The following RAB10 variants were observed in gnomAD, a reference collection of about 807,000 sequenced individuals.
RAB10 encodes RAB10, member RAS oncogene family, also known as ras-related protein Rab-10.
RAB10 carries 5 observed loss-of-function variants against 25.7 expected under a neutral mutation model. The ratio of observed to expected loss-of-function variants is 0.19; its 90% CI spans 0.10 to 0.41. The LOEUF (loss-of-function observed/expected upper bound fraction) is 0.41, where lower values mean the gene tolerates loss of function less well. Ranked by LOEUF, RAB10 falls within the 10% of genes least tolerant of loss-of-function variation. The pLI, the probability that RAB10 is intolerant of heterozygous loss-of-function variation, is 1.00. For synonymous variants in RAB10, 89 were observed against 86.4 expected (o/e 1.03, Z -0.16); for missense variants, 103 against 245.8 (o/e 0.42, Z 3.89).
chr2:26,111,296 A>G (rs776434170), intron 3 of RAB10, among the ~76,000 whole-genome samples: 6 of 152,176 alleles, frequency 3.9e-5, no homozygotes, highest in African/African-American at 7.2e-5. Flanking sequence ...TTATTTTTTA[A>G]TAATTATTTA....
chr2:26,125,783 A>G (rs1255416341), intron 3 of RAB10, among the ~76,000 whole-genome samples: 1 of 152,024 alleles, frequency 6.6e-6, no homozygotes, highest in Non-Finnish European at 1.5e-5. Context: ...TCCCTTTCAA[A>G]TACATGATTT....
chr2:26,035,698 G>A (rs1045576386), intron 1 of RAB10, among the ~76,000 whole-genome samples: 2 of 152,194 alleles, frequency 1.3e-5, no homozygotes, highest in Non-Finnish European at 2.9e-5. Context: ...ATGGCTCTCA[G>A]CATTGTGGCG....
At chr2:26,122,607 G>A (rs1197381357) in intron 3 of RAB10, among the ~76,000 whole-genome samples, 3 of 148,918 alleles carry the variant, frequency 2.0e-5, no homozygotes, top group Non-Finnish European at 3.0e-5. Flanking sequence ...CAGCCTGGGC[G>A]ACAGAGCGAC....
At chr2:26,034,832 A>T in intron 1 of RAB10, 97 bp downstream of exon 1, 1 of 1,502,514 alleles carries the variant, frequency 6.7e-7, no homozygotes, top group Non-Finnish European at 9.1e-7. Context: ...CCTTTGTTTC[A>T]GTGATTCCGA....
chr2:26,121,403 C>G (rs1461602517), intron 3 of RAB10, among the ~76,000 whole-genome samples: 4 of 152,148 alleles, frequency 2.6e-5, no homozygotes, highest in African/African-American at 9.7e-5. Flanking sequence ...AGGCTGGTCT[C>G]AAACTCCAGG....
At chr2:26,098,109 CTTTTTTTTTTTTT>C (rs57174956) in intron 1 of RAB10, among the ~76,000 whole-genome samples, 3 of 52,726 alleles carry the variant, frequency 5.7e-5, no homozygotes, top group South Asian at 8.4e-4. Flanking sequence ...TTCTTTCTTT[CTTTTTTTTTTTTT>C]TTTTTTTTTT....
intron 1 of RAB10, among the ~76,000 whole-genome samples, chr2:26,094,413 G>A (rs891462082): frequency 2.0e-5 from 3 of 151,020 alleles, no homozygotes; most frequent in East Asian, 3.9e-4. Flanking sequence ...CACCACACCC[G>A]GCTAATTTTT....
At chr2:26,132,510 C>T (rs952622779) in intron 5 of RAB10, among the ~76,000 whole-genome samples, 3 of 152,202 alleles carry the variant, frequency 2.0e-5, no homozygotes, top group African/African-American at 7.2e-5. Flanking sequence ...ACCTTGGCCT[C>T]CCAAAGTGCT....
intron 1 of RAB10, among the ~76,000 whole-genome samples, chr2:26,072,261 C>G (rs745792494): frequency 1.1e-4 from 17 of 152,006 alleles, no homozygotes; most frequent in Non-Finnish European, 2.2e-4. Flanking sequence ...ACTAAAAATA[C>G]AAAAATTAGC....
intron 1 of RAB10, among the ~76,000 whole-genome samples, chr2:26,081,847 C>A (rs1287165113): frequency 1.3e-5 from 2 of 152,106 alleles, no homozygotes; most frequent in African/African-American, 4.8e-5. Context: ...ATTTAGAATT[C>A]ATTCCTGACA....
chr2:26,082,893 A>G (rs1666898482), intron 1 of RAB10, among the ~76,000 whole-genome samples: 1 of 152,220 alleles, frequency 6.6e-6, no homozygotes, highest in Non-Finnish European at 1.5e-5. Context: ...AGAATAATAC[A>G]TCATGACTCA....
intron 1 of RAB10, among the ~76,000 whole-genome samples, chr2:26,085,868 G>A (rs1484460522): frequency 2.0e-5 from 3 of 151,558 alleles, no homozygotes; most frequent in South Asian, 2.1e-4. Flanking sequence ...GCATGGTGGC[G>A]CATGCCTGTA....
chr2:26,082,449 G>A (rs914329675), intron 1 of RAB10, among the ~76,000 whole-genome samples: 2 of 151,928 alleles, frequency 1.3e-5, no homozygotes, highest in Non-Finnish European at 1.5e-5. Context: ...AATGATAAAG[G>A]GGTCAGTTTG....
At position 26,094,245 on chromosome 2, in the gene RAB10, T is replaced by G. The variant is rs181178930; in HGVS notation, c.128-4417T>G. Reference sequence around the variant, plus strand: ...TTTCATCCATTTCATTTCATCTCATTTTTTCACTTCATTTTATGTTTTTGA... The same window carrying G: ...TTTCATCCATTTCATTTCATCTCATGTTTTCACTTCATTTTATGTTTTTGA... On this transcript the variant is annotated intron_variant, in intron 1 of 5. Transcript: ENST00000264710. Among the ~76,000 whole-genome samples the G allele has an allele frequency of 5.3e-4, 78 of 147,198 alleles. 1 individual carries two copies. In the South Asian group the frequency reaches 0.017, roughly 32 times the overall value.
Position 26,079,602 on chromosome 2 carries a change from AGATCTTG to A in RAB10, c.128-19057_128-19051del, listed in dbSNP as rs1666822299. Among the ~76,000 whole-genome samples, 3 of 148,238 alleles carry A rather than the reference AGATCTTG, an allele frequency of 2.0e-5. No individual in the cohort carries two copies. In the South Asian group the frequency reaches 6.4e-4, roughly 32 times the overall value. ...GTAGCAGTAAAGACACTTAATGCCC[AGATCTTG>A]GACTATAAATACAATTCTTTCCTCC... is the stretch of plus-strand genomic sequence containing the variant. On this transcript the variant is annotated intron_variant, in intron 1 of 5. Coordinates refer to ENST00000264710, the MANE Select transcript of RAB10 (RefSeq NM_016131.5).
At chr2:26,133,163 TTTAAAATATTTTTAAAATATTTTAA>T (rs1457690652) in intron 5 of RAB10, among the ~76,000 whole-genome samples, 3 of 152,338 alleles carry the variant, frequency 2.0e-5, no homozygotes, top group Admixed American at 2.0e-4. Context: ...TACTTGAGGT[TTTAAAATATTTTTAAAATATTTTAA>T]TTTTTTCCCT....
At chr2:26,033,973 G>C, upstream of RAB10, 1 of 397,542 alleles carries the variant, frequency 2.5e-6, no homozygotes, top group East Asian at 3.6e-5. Context: ...TTGGAGACAG[G>C]AGCATTCCAC....
At chr2:26,071,613 G>A (rs1260383378) in intron 1 of RAB10, among the ~76,000 whole-genome samples, 1 of 152,016 alleles carries the variant, frequency 6.6e-6, no homozygotes, top group Admixed American at 6.6e-5. Context: ...GCTTGAACCT[G>A]GGAGGCAGAG....
intron 1 of RAB10, among the ~76,000 whole-genome samples, chr2:26,064,473 C>T (rs1003596416): frequency 5.9e-5 from 9 of 151,896 alleles, no homozygotes; most frequent in African/African-American, 2.2e-4. Context: ...AGGGGTGTGC[C>T]ACCACGCCTG....
Sources: allele counts gnomAD v4.1 joint callset (sites outside exome capture counted in the v4.1 genomes callset), GRCh38; gene constraint gnomAD v4.1.1; transcripts MANE v1.5; gene names NCBI Gene and HGNC (gene_info 2026-07-23, HGNC 2026-07-21).